TRIM37: variants seen among roughly 807,000 people sequenced by gnomAD.
The protein encoded by TRIM37 is tripartite motif containing 37.
TRIM37 carries 80 observed loss-of-function variants against 129.8 expected under a neutral mutation model. That is an observed-to-expected ratio of 0.62 (90% CI 0.51 to 0.74). The LOEUF is 0.74. TRIM37 is among the 30% of genes least tolerant of loss of function. The pLI is 0.00. For missense variants in TRIM37, 1,054 were observed against 1,176.5 expected, an observed-to-expected ratio of 0.90 and a Z score of 1.52; for synonymous variants, 389 against 387.1, an observed-to-expected ratio of 1.00 and a Z score of -0.06.
chr17:58,999,128 T>A lies in TRIM37; in HGVS notation c.*249A>T. The A allele has an allele frequency of 7.6e-7, 1 of 1,307,658 alleles. No homozygotes were observed. Among genetic ancestry groups the A allele is most frequent in the Non-Finnish European group, 9.8e-7 (1 of 1,024,560 alleles). The allele number at this position is 1,307,658 out of a possible 1,614,324, so 81.0% of individuals were successfully genotyped here. On this transcript the variant is annotated 3_prime_UTR_variant, in exon 24 of 24. Transcript: ENST00000262294. ...TTTGTGAATGTACAAATTTGCTAAA[T>A]TAATAGAGAACTACATTGTTATTTC...
intron 18 of TRIM37, among the ~76,000 whole-genome samples, chr17:59,029,182 C>G (rs1203067249): frequency 6.6e-6 from 1 of 152,138 alleles, no homozygotes; most frequent in Admixed American, 6.5e-5. Flanking sequence ...AATCCCAGCA[C>G]TTCAGGAGGC....
intron 7 of TRIM37, among the ~76,000 whole-genome samples, chr17:59,078,327 T>C (rs2042990364): frequency 6.6e-6 from 1 of 152,102 alleles, no homozygotes; most frequent in Non-Finnish European, 1.5e-5. Context: ...AAAAATAATT[T>C]GAAAGCCACA....
chr17:59,032,014 A>C lies in TRIM37; in HGVS notation c.1830T>G (p.Ser610Arg). ...AAATTAATGGATCAATGTCTAGTAA[A>C]CTACTGGTAGCAGCGGAGCATAAAT... is the stretch of plus-strand genomic sequence containing the variant. ...RTHLCSAATS[S>R]LLDIDPLILI... The change falls in exon 18 of 24, where the codon AGT (serine) becomes AGG (arginine). Residue 610 changes from serine to arginine, a missense_variant. Physicochemically the swap from Ser to Arg is moderately radical, Grantham distance 110. Coordinates refer to ENST00000262294, the MANE Select transcript of TRIM37 (RefSeq NM_015294.6). The C allele has an allele frequency of 6.2e-7, 1 of 1,614,162 alleles. No homozygotes were observed. Among genetic ancestry groups the C allele is most frequent in the Non-Finnish European group, 8.5e-7 (1 of 1,180,024 alleles).
the TRIM37 span, chr17:58,969,743 A>C: frequency 1.7e-5 from 27 of 1,612,692 alleles, no homozygotes; most frequent in African/African-American, 3.1e-4. Context: ...CCCCTTTCTC[A>C]TAAGTTCCAG....
At chr17:58,968,607 G>A in the TRIM37 span, among the ~76,000 whole-genome samples, 1 of 152,140 alleles carries the variant, frequency 6.6e-6, no homozygotes, top group Non-Finnish European at 1.5e-5. Context: ...AGAAAAAGAA[G>A]TCAAAAGACT....
intron 3 of TRIM37, among the ~76,000 whole-genome samples, chr17:59,090,846 G>C (rs995045203): frequency 1.3e-5 from 2 of 152,082 alleles, no homozygotes; most frequent in Admixed American, 1.3e-4. Context: ...GGCTGGTGTC[G>C]AATTCCCGAC....
intron 17 of TRIM37, among the ~76,000 whole-genome samples, chr17:59,037,598 T>A (rs1039663744): frequency 5.9e-4 from 88 of 149,478 alleles, no homozygotes; most frequent in Middle Eastern, 3.5e-3. Flanking sequence ...AAGGCTTTTT[T>A]AATTTTTTTA....
chr17:59,033,509 G>A (rs1051585401), intron 17 of TRIM37, among the ~76,000 whole-genome samples: 5 of 151,936 alleles, frequency 3.3e-5, no homozygotes, highest in Admixed American at 6.6e-5. Context: ...CTCCACTCAC[G>A]GCAACCTCCG....
chr17:59,106,140 T>C (rs1354609046), intron 1 of TRIM37, among the ~76,000 whole-genome samples: 1 of 152,158 alleles, frequency 6.6e-6, no homozygotes, highest in Non-Finnish European at 1.5e-5. Context: ...ATCTGATGAA[T>C]CTGCAGTTTT....
Position 59,061,116 on chromosome 17 carries a change from A to T in TRIM37, c.943-8T>A. On this transcript the variant is annotated splice_polypyrimidine_tract_variant and splice_region_variant and intron_variant, in intron 11 of 23. Transcript: ENST00000262294. ...CACAACTCCATTTCCATCCTAAAAG[A>T]AGAATAATCAGTTTGAGTGTAAAAA... is the stretch of plus-strand genomic sequence containing the variant. 6.2e-7 allele frequency: 1 copy of T among 1,612,318 alleles called. No individual in the cohort carries two copies. Among genetic ancestry groups the T allele is most frequent in the Non-Finnish European group, 8.5e-7 (1 of 1,178,534 alleles).
At chr17:58,972,820 A>G in the TRIM37 span, 3 of 1,606,522 alleles carry the variant, frequency 1.9e-6, no homozygotes, top group South Asian at 1.1e-5. Flanking sequence ...TTTTTATTGC[A>G]TTGCTGTTTA....
chr17:59,061,439 A>C (rs2041483313), intron 11 of TRIM37, among the ~76,000 whole-genome samples: 1 of 152,060 alleles, frequency 6.6e-6, no homozygotes, highest in Non-Finnish European at 1.5e-5. Flanking sequence ...AAATGAGTGA[A>C]GCAAAAAAAA....
downstream of TRIM37, among the ~76,000 whole-genome samples, chr17:58,994,506 G>A (rs552300287): frequency 1.0e-3 from 153 of 152,252 alleles, no homozygotes; most frequent in African/African-American, 3.7e-3. Context: ...AGGATTGCTT[G>A]AGCCTAAGAC....
chr17:59,003,066 G>A (rs1383553963), intron 22 of TRIM37, among the ~76,000 whole-genome samples: 1 of 152,088 alleles, frequency 6.6e-6, no homozygotes, highest in African/African-American at 2.4e-5. Flanking sequence ...TAGTAGACAT[G>A]GGATTTCGCC....
chr17:58,977,172 C>T, the TRIM37 span, among the ~76,000 whole-genome samples: 1 of 151,954 alleles, frequency 6.6e-6, no homozygotes, highest in Non-Finnish European at 1.5e-5. Context: ...GGGCTGGGCG[C>T]GGTGGCTCAC....
At chr17:59,010,819 C>T (rs2035159290) in intron 22 of TRIM37, among the ~76,000 whole-genome samples, 1 of 152,090 alleles carries the variant, frequency 6.6e-6, no homozygotes, top group Non-Finnish European at 1.5e-5. Context: ...GTAATTCCAG[C>T]ATATTCTGTA....
rs62084387 is a variant in TRIM37 at position 59,070,666 on chromosome 17, C to T, written c.809+157G>A. 0.16 allele frequency among the ~76,000 whole-genome samples: 24,369 copies of T among 151,312 alleles called. 2,389 individuals carry two copies. The highest frequency in any genetic ancestry group is 0.21 in the Non-Finnish European group (14,323 of 67,814). On this transcript the variant is annotated intron_variant, in intron 9 of 23. Transcript: ENST00000262294. ...TCAAGGTGGGAAAATCACTTGAGTC[C>T]AGGAGTTTGAGACCAGCCTGGGCAA... is the stretch of plus-strand genomic sequence containing the variant.
At chr17:59,012,209 C>T (rs1346852118) in intron 22 of TRIM37, 119 bp downstream of exon 22, 3 of 359,352 alleles carry the variant, frequency 8.3e-6, no homozygotes, top group Non-Finnish European at 1.4e-5. Context: ...ATCCCTATCA[C>T]TACCACCAGC....
chr17:59,059,732 CAGTTA>C (rs1441741105), intron 12 of TRIM37, among the ~76,000 whole-genome samples: 14 of 152,192 alleles, frequency 9.2e-5, no homozygotes, highest in Non-Finnish European at 1.5e-5. Context: ...TTCTGGGATG[CAGTTA>C]AGTTACTTGA....
Sources: gnomAD v4.1 joint callset for allele counts (sites outside exome capture counted in the v4.1 genomes callset) on GRCh38, gnomAD v4.1.1 for gene constraint, MANE v1.5 for transcripts, NCBI Gene and HGNC (gene_info 2026-07-23, HGNC 2026-07-21) for gene names.